The following SPAG16 variants were observed in gnomAD, a reference collection of about 807,000 sequenced individuals.
SPAG16 encodes sperm associated antigen 16, also known as sperm-associated antigen 16 protein.
SPAG16 carries 86 observed loss-of-function variants against 80.4 expected under a neutral mutation model. The ratio of observed to expected loss-of-function variants is 1.07; its 90% CI spans 0.90 to 1.28. SPAG16 has a LOEUF of 1.28. Ranked by LOEUF, SPAG16 falls within the 50% of genes most tolerant of loss-of-function variation. SPAG16 has a pLI of 0.00. For missense variants in SPAG16, 870 were observed against 765.3 expected (o/e 1.14, Z -1.61); for synonymous variants, 294 against 265.9 (o/e 1.11, Z -1.03).
At chr2:213,954,536 C>T (rs936170659) in intron 12 of SPAG16, among the ~76,000 whole-genome samples, 13 of 151,946 alleles carry the variant, frequency 8.6e-5, no homozygotes, top group African/African-American at 2.2e-4. Flanking sequence ...CTGGGATACA[C>T]GTATAGAATG....
At chr2:214,013,511 G>C (rs2047424117) in intron 12 of SPAG16, among the ~76,000 whole-genome samples, 1 of 152,026 alleles carries the variant, frequency 6.6e-6, no homozygotes, top group Non-Finnish European at 1.5e-5. Context: ...CCCTCCCCCA[G>C]TCTCTGGTAG....
At chr2:213,363,427 G>A (rs904718675) in intron 7 of SPAG16, among the ~76,000 whole-genome samples, 9 of 151,902 alleles carry the variant, frequency 5.9e-5, no homozygotes, top group South Asian at 2.1e-4. Flanking sequence ...TTCAGTGATA[G>A]TAGAAAAAAG....
At chr2:214,152,289 T>A (rs969282940) in intron 15 of SPAG16, among the ~76,000 whole-genome samples, 12 of 152,200 alleles carry the variant, frequency 7.9e-5, no homozygotes, top group African/African-American at 2.4e-4. Context: ...TCACAGAGTA[T>A]CATTTTTAAA....
At chr2:214,177,969 A>ATGTATG (rs1331080873) in intron 15 of SPAG16, among the ~76,000 whole-genome samples, 2 of 75,200 alleles carry the variant, frequency 2.7e-5, no homozygotes, top group African/African-American at 1.7e-4. Context: ...CACAAAGTGT[A>ATGTATG]TGTATATATA....
At chr2:214,138,229 A>T (rs2055163784) in intron 14 of SPAG16, among the ~76,000 whole-genome samples, 1 of 152,182 alleles carries the variant, frequency 6.6e-6, no homozygotes, top group African/African-American at 2.4e-5. Flanking sequence ...AAATTACACA[A>T]CAAGGGGACC....
At position 213,785,757 on chromosome 2, in the gene SPAG16, C is replaced by G. The variant is rs188441089; in HGVS notation, c.1071-76728C>G. Among the ~76,000 whole-genome samples the G allele has an allele frequency of 6.5e-3, 990 of 152,216 alleles. 16 individuals carry two copies. The highest frequency in any genetic ancestry group is 0.026 in the Admixed American group (394 of 15,292). The stretch of plus-strand genomic sequence containing the variant: ...TTTAGCCAGGCGCAGTGGCTCACAC[C>G]TGTAATCCCAGCACTTTGGGAGGCC... On this transcript the variant is annotated intron_variant, in intron 10 of 15. Coordinates refer to ENST00000331683, the MANE Select transcript of SPAG16 (RefSeq NM_024532.5).
At chr2:213,646,610 C>T (rs1366830254) in intron 10 of SPAG16, among the ~76,000 whole-genome samples, 1 of 152,084 alleles carries the variant, frequency 6.6e-6, no homozygotes, top group Non-Finnish European at 1.5e-5. Context: ...ATAAAAAGGT[C>T]ATTATATCAA....
intron 12 of SPAG16, among the ~76,000 whole-genome samples, chr2:213,971,234 G>C (rs1339152698): frequency 6.6e-6 from 1 of 152,102 alleles, no homozygotes; most frequent in Non-Finnish European, 1.5e-5. Context: ...CTAAATCCAA[G>C]TACATTAACA....
intron 10 of SPAG16, among the ~76,000 whole-genome samples, chr2:213,537,480 A>T (rs1015630489): frequency 4.4e-4 from 64 of 146,914 alleles, no homozygotes; most frequent in East Asian, 1.8e-3. Flanking sequence ...TTTATAATTT[A>T]AAAAAAAAAA....
chr2:213,539,092 G>A (rs944015782), intron 10 of SPAG16, among the ~76,000 whole-genome samples: 1 of 152,066 alleles, frequency 6.6e-6, no homozygotes, highest in African/African-American at 2.4e-5. Context: ...TTGCCTTCTT[G>A]TGCTTTCGGG....
intron 10 of SPAG16, among the ~76,000 whole-genome samples, chr2:213,837,584 C>G (rs753898854): frequency 5.3e-5 from 8 of 152,132 alleles, no homozygotes; most frequent in Non-Finnish European, 1.2e-4. Context: ...GTTTAAATTA[C>G]CAGCATTTTA....
chr2:213,976,984 G>A (rs1310209736), intron 12 of SPAG16, among the ~76,000 whole-genome samples: 1 of 152,042 alleles, frequency 6.6e-6, no homozygotes, highest in Non-Finnish European at 1.5e-5. Context: ...ACTGGGTGTT[G>A]TTTTAAGTCG....
intron 13 of SPAG16, among the ~76,000 whole-genome samples, chr2:214,095,206 G>A (rs771176106): frequency 3.9e-4 from 60 of 152,154 alleles, no homozygotes; most frequent in Middle Eastern, 3.4e-3. Flanking sequence ...TCTCACATGT[G>A]TAATTCACCT....
intron 9 of SPAG16, among the ~76,000 whole-genome samples, chr2:213,407,719 G>C (rs899071706): frequency 3.6e-5 from 5 of 139,928 alleles, no homozygotes; most frequent in Non-Finnish European, 8.2e-5. Flanking sequence ...AGAGGAAAGA[G>C]AGACAGGAGA....
intron 10 of SPAG16, among the ~76,000 whole-genome samples, chr2:213,719,588 C>T (rs958954125): frequency 2.6e-5 from 4 of 152,154 alleles, no homozygotes; most frequent in Admixed American, 6.5e-5. Flanking sequence ...GCAGGCTGCC[C>T]GAGCCAGCAT....
chr2:214,265,223 A>C (rs568331393), intron 15 of SPAG16, among the ~76,000 whole-genome samples: 4 of 152,218 alleles, frequency 2.6e-5, no homozygotes, highest in African/African-American at 4.8e-5. Context: ...TCTCACCAAC[A>C]ATAAATTTGA....
intron 10 of SPAG16, among the ~76,000 whole-genome samples, chr2:213,498,890 C>A (rs2074614916): frequency 6.6e-6 from 1 of 152,108 alleles, no homozygotes; most frequent in Admixed American, 6.5e-5. Flanking sequence ...TGTCAAAGAC[C>A]ATCATCTGTC....
intron 10 of SPAG16, among the ~76,000 whole-genome samples, chr2:213,723,410 C>T (rs1005292105): frequency 7.2e-5 from 11 of 152,200 alleles, no homozygotes; most frequent in African/African-American, 1.9e-4. Context: ...ATCCATGCTA[C>T]GCCTTCTGTC....
At chr2:213,410,891 C>T (rs2068930499) in intron 9 of SPAG16, among the ~76,000 whole-genome samples, 1 of 152,200 alleles carries the variant, frequency 6.6e-6, no homozygotes, top group African/African-American at 2.4e-5. Context: ...ATCCTGAAGT[C>T]CGGCACCCTG....
Sources: allele counts gnomAD v4.1 joint callset (sites outside exome capture counted in the v4.1 genomes callset), GRCh38; gene constraint gnomAD v4.1.1; transcripts MANE v1.5; gene names NCBI Gene and HGNC (gene_info 2026-07-23, HGNC 2026-07-21).